SEMA3C: variants seen among roughly 807,000 people sequenced by gnomAD.
SEMA3C encodes semaphorin 3C.
SEMA3C carries 47 observed loss-of-function variants against 89.4 expected under a neutral mutation model. That is an observed-to-expected ratio of 0.53 (90% confidence interval 0.42 to 0.67). SEMA3C has a LOEUF of 0.67. SEMA3C is among the 30% of genes least tolerant of loss of function. The pLI, the probability that SEMA3C is intolerant of heterozygous loss-of-function variation, is 0.00. For synonymous variants in SEMA3C, 310 were observed against 320.2 expected (o/e 0.97, Z 0.34); for missense variants, 839 against 929.1 (o/e 0.90, Z 1.26).
Position 80,866,649 on chromosome 7 carries a change from T to C in SEMA3C, c.104-37904A>G, listed in dbSNP as rs143475548. Among the ~76,000 whole-genome samples, 33 of 152,314 alleles carry C rather than the reference T, an allele frequency of 2.2e-4. No individual in the cohort carries two copies. In the East Asian group the frequency reaches 6.4e-3, roughly 29 times the overall value. On this transcript the variant is annotated intron_variant, in intron 2 of 17. Transcript: ENST00000265361. ...GTTTGTTTTGACTGAAAGCTGTCTA[T>C]GCATTCCAAAGAAGCAAATAGTAAC...
chr7:80,814,334 C>T (rs185896716), intron 5 of SEMA3C, among the ~76,000 whole-genome samples: 10 of 152,102 alleles, frequency 6.6e-5, no homozygotes, highest in East Asian at 5.8e-4. Flanking sequence ...ATGATCTGCC[C>T]GCCTCGGCCT....
chr7:80,837,289 G>T (rs1031308477), intron 2 of SEMA3C, among the ~76,000 whole-genome samples: 4 of 152,156 alleles, frequency 2.6e-5, no homozygotes, highest in Non-Finnish European at 5.9e-5. Flanking sequence ...ACATTTTCAG[G>T]AATCGAGAAT....
chr7:80,864,403 T>C (rs916144770), intron 2 of SEMA3C, among the ~76,000 whole-genome samples: 52 of 151,938 alleles, frequency 3.4e-4, no homozygotes, highest in South Asian at 4.1e-4. Context: ...AAATAAAAAA[T>C]ATAAAAAAGT....
chr7:80,761,791 T>G, intron 13 of SEMA3C, 134 bp from the exon 14 acceptor site: 1 of 532,558 alleles, frequency 1.9e-6, no homozygotes, highest in East Asian at 3.7e-5. Flanking sequence ...AAATTACTTG[T>G]TATATAAAAT....
intron 12 of SEMA3C, among the ~76,000 whole-genome samples, chr7:80,776,981 T>C (rs541692425): frequency 1.3e-5 from 2 of 152,244 alleles, no homozygotes; most frequent in Non-Finnish European, 2.9e-5. Flanking sequence ...ATCATAGATA[T>C]GTGTGATTGA....
At chr7:80,820,598 T>G (rs1789723938) in intron 4 of SEMA3C, among the ~76,000 whole-genome samples, 1 of 152,158 alleles carries the variant, frequency 6.6e-6, no homozygotes, top group African/African-American at 2.4e-5. Context: ...TTAACTCTAG[T>G]CAAAGAAATT....
rs114477559 is a variant in SEMA3C at position 80,776,687 on chromosome 7, C to T, written c.1355-11444G>A. Among the ~76,000 whole-genome samples, 1,144 of 152,306 alleles carry T rather than the reference C, an allele frequency of 7.5e-3. 15 individuals are homozygous for T. Among genetic ancestry groups the T allele is most frequent in the African/African-American group, 0.026 (1,075 of 41,572 alleles). On this transcript the variant is annotated intron_variant, in intron 12 of 17. Transcript: ENST00000265361. ...GCCACCAACATATTACCAACGGATTCATCTATGATGTTACTGAAGTTTTAA... is the reference window on the plus strand; with the variant it reads ...GCCACCAACATATTACCAACGGATTTATCTATGATGTTACTGAAGTTTTAA...
intron 11 of SEMA3C, among the ~76,000 whole-genome samples, chr7:80,792,669 T>G (rs1411982146): frequency 6.6e-6 from 1 of 152,184 alleles, no homozygotes; most frequent in Non-Finnish European, 1.5e-5. Flanking sequence ...TTTGCATTCA[T>G]TAAAATATTC....
At chr7:80,918,648 C>A (rs945028472) in intron 1 of SEMA3C, among the ~76,000 whole-genome samples, 180 bp downstream of exon 1, 2 of 152,112 alleles carry the variant, frequency 1.3e-5, no homozygotes, top group Non-Finnish European at 2.9e-5. Flanking sequence ...CAGGTGTCAC[C>A]GCCTAAAGAA....
chr7:80,804,848 C>T (rs868296262), intron 7 of SEMA3C, among the ~76,000 whole-genome samples: 3 of 152,184 alleles, frequency 2.0e-5, no homozygotes, highest in South Asian at 2.1e-4. Context: ...GGCCTATCAG[C>T]GAAATAGGAT....
intron 10 of SEMA3C, among the ~76,000 whole-genome samples, chr7:80,800,008 C>T (rs1011213203): frequency 6.6e-6 from 1 of 151,630 alleles, no homozygotes; most frequent in African/African-American, 2.4e-5. Flanking sequence ...AAAAAATTAG[C>T]CAGGCGTGGT....
At chr7:80,814,192 G>A (rs893523759) in intron 5 of SEMA3C, among the ~76,000 whole-genome samples, 1 of 151,314 alleles carries the variant, frequency 6.6e-6, no homozygotes, top group East Asian at 2.0e-4. Context: ...CCGGGTTCAC[G>A]CCATTCTCCT....
intron 5 of SEMA3C, among the ~76,000 whole-genome samples, chr7:80,812,096 A>C (rs1173423170): frequency 1.3e-5 from 2 of 152,192 alleles, no homozygotes; most frequent in Non-Finnish European, 2.9e-5. Flanking sequence ...ACCAATTTCT[A>C]ATTGATCATA....
upstream of SEMA3C, among the ~76,000 whole-genome samples, chr7:80,920,792 A>G (rs987315206): frequency 3.3e-5 from 5 of 152,248 alleles, no homozygotes; most frequent in Admixed American, 2.0e-4. Flanking sequence ...CCAGATGTCA[A>G]TGTGAATAAG....
intron 2 of SEMA3C, among the ~76,000 whole-genome samples, chr7:80,897,620 AGAG>A (rs2116179443): frequency 6.6e-6 from 1 of 152,332 alleles, no homozygotes; most frequent in Admixed American, 6.5e-5. Flanking sequence ...GAAAAACTGA[AGAG>A]AAGAAAGATA....
chr7:80,911,723 T>G (rs1487657632), intron 2 of SEMA3C, among the ~76,000 whole-genome samples: 1 of 151,498 alleles, frequency 6.6e-6, no homozygotes, highest in Non-Finnish European at 1.5e-5. Flanking sequence ...AAGCTCTGCC[T>G]CCCGAGTTTA....
intron 4 of SEMA3C, among the ~76,000 whole-genome samples, chr7:80,824,086 C>T (rs1390158954): frequency 6.6e-6 from 1 of 152,038 alleles, no homozygotes; most frequent in Admixed American, 6.6e-5. Context: ...TAATTGTTAT[C>T]TTGTTATAAC....
chr7:80,761,568 A>G, intron 14 of SEMA3C, 48 bp downstream of exon 14: 2 of 1,026,820 alleles, frequency 1.9e-6, no homozygotes, highest in Non-Finnish European at 1.4e-6. Context: ...TTTTCATAAC[A>G]ACAAAACATT....
chr7:80,857,697 A>G (rs1014974404), intron 2 of SEMA3C, among the ~76,000 whole-genome samples: 1 of 152,184 alleles, frequency 6.6e-6, no homozygotes, highest in East Asian at 1.9e-4. Context: ...TCATTTCTCT[A>G]GACCCTTGAT....
Sources: allele counts gnomAD v4.1 joint callset (sites outside exome capture counted in the v4.1 genomes callset), GRCh38; gene constraint gnomAD v4.1.1; transcripts MANE v1.5; gene names NCBI Gene and HGNC (gene_info 2026-07-23, HGNC 2026-07-21).